Variants in CDIN1 observed in about 807,000 individuals in gnomAD.
CDIN1 encodes CDAN1-interacting nuclease 1.
In CDIN1, 33 loss-of-function variants were observed where a neutral mutation model predicts 45.3. That is an observed-to-expected ratio of 0.73 (90% CI 0.55 to 0.97). The LOEUF (loss-of-function observed/expected upper bound fraction) is 0.97. Among genes scored for constraint, CDIN1 ranks in the 50% least tolerant of loss-of-function variants. CDIN1 has a pLI of 0.00. For missense variants in CDIN1, 303 were observed against 339.4 expected (o/e 0.89, Z 0.84); for synonymous variants, 118 against 124.4 (o/e 0.95, Z 0.34).
chr15:36,584,944 T>G (rs1403685069), intron 1 of CDIN1, among the ~76,000 whole-genome samples: 1 of 152,214 alleles, frequency 6.6e-6, no homozygotes, highest in Non-Finnish European at 1.5e-5. Context: ...AATGGGCCCT[T>G]TGGCACCTGA....
chr15:36,616,192 G>C (rs1293887427), intron 1 of CDIN1, among the ~76,000 whole-genome samples: 2 of 152,126 alleles, frequency 1.3e-5, no homozygotes, highest in African/African-American at 4.8e-5. Flanking sequence ...GGATTTGGAG[G>C]TGCCATGTTA....
chr15:36,666,315 G>A (rs1163223205), intron 5 of CDIN1, among the ~76,000 whole-genome samples: 1 of 152,150 alleles, frequency 6.6e-6, no homozygotes, highest in Non-Finnish European at 1.5e-5. Flanking sequence ...GTAGTAGACT[G>A]AGAATTATCA....
chr15:36,743,752 G>T (rs1175665883), intron 10 of CDIN1, among the ~76,000 whole-genome samples: 1 of 151,862 alleles, frequency 6.6e-6, no homozygotes, highest in East Asian at 1.9e-4. Flanking sequence ...AACTGAGCAT[G>T]GTGATATGCG....
intron 4 of CDIN1, among the ~76,000 whole-genome samples, chr15:36,654,687 G>A (rs2040712956): frequency 6.6e-6 from 1 of 152,078 alleles, no homozygotes; most frequent in African/African-American, 2.4e-5. Flanking sequence ...ATAACACCAA[G>A]TAAGAAGTGA....
chr15:36,798,294 G>C (rs1566981602), intron 10 of CDIN1, among the ~76,000 whole-genome samples: 1 of 152,020 alleles, frequency 6.6e-6, no homozygotes, highest in East Asian at 1.9e-4. Context: ...TTCCTTATCT[G>C]ATCATTTTTT....
intron 1 of CDIN1, among the ~76,000 whole-genome samples, chr15:36,614,397 G>C (rs937309829): frequency 2.6e-5 from 4 of 152,140 alleles, no homozygotes; most frequent in Non-Finnish European, 5.9e-5. Context: ...AGCTGGGCTA[G>C]AGGCTGAGCA....
intron 5 of CDIN1, chr15:36,668,164 T>G (rs903639906): frequency 2.0e-5 from 3 of 152,152 alleles, no homozygotes; most frequent in Non-Finnish European, 4.4e-5. Flanking sequence ...TTGGGCTCAG[T>G]GTTCCTTGTC....
intron 1 of CDIN1, among the ~76,000 whole-genome samples, chr15:36,626,356 G>A (rs1208835670): frequency 6.7e-6 from 1 of 149,012 alleles, no homozygotes; most frequent in Non-Finnish European, 1.5e-5. Context: ...AGGGAGTCCT[G>A]CAAATTAAGG....
intron 1 of CDIN1, chr15:36,618,777 A>AAT (rs1270035561): frequency 2.6e-6 from 2 of 776,564 alleles, no homozygotes; most frequent in East Asian, 4.9e-5. Flanking sequence ...AAAAAAAAAA[A>AAT]AAAGGATCTA....
intron 10 of CDIN1, among the ~76,000 whole-genome samples, chr15:36,772,002 C>T (rs1448123785): frequency 6.6e-6 from 1 of 151,830 alleles, no homozygotes; most frequent in Non-Finnish European, 1.5e-5. Flanking sequence ...TAGTCCTGTG[C>T]ATTCATGCTG....
intron 1 of CDIN1, among the ~76,000 whole-genome samples, chr15:36,615,097 G>A (rs557510856): frequency 6.6e-6 from 1 of 152,302 alleles, no homozygotes; most frequent in Admixed American, 6.5e-5. Flanking sequence ...ATCTCATTGT[G>A]CTTTGTATCA....
chr15:36,609,443 T>C (rs1208160968), intron 1 of CDIN1, among the ~76,000 whole-genome samples: 4 of 152,114 alleles, frequency 2.6e-5, no homozygotes, highest in Non-Finnish European at 5.9e-5. Context: ...TTGTAAAGAA[T>C]CAGGGATCTA....
At chr15:36,798,320 TTTCTAAC>T (rs1242056405) in intron 10 of CDIN1, among the ~76,000 whole-genome samples, 2 of 152,356 alleles carry the variant, frequency 1.3e-5, no homozygotes, top group East Asian at 3.9e-4. Context: ...GATCTAGACA[TTTCTAAC>T]TTCTAATTTA....
chr15:36,651,718 TAAGAGAGCCCA>T, intron 3 of CDIN1, among the ~76,000 whole-genome samples: 1 of 152,286 alleles, frequency 6.6e-6, no homozygotes, highest in East Asian at 1.9e-4. Context: ...GTTTACCAGC[TAAGAGAGCCCA>T]GATGGGTTTT....
chr15:36,718,336 G>A (rs560425332), intron 10 of CDIN1, among the ~76,000 whole-genome samples: 103 of 152,104 alleles, frequency 6.8e-4, no homozygotes, highest in African/African-American at 2.2e-3. Context: ...ACATTTTGCT[G>A]TTCAAGATCT....
intron 10 of CDIN1, among the ~76,000 whole-genome samples, chr15:36,730,442 C>T (rs998502613): frequency 1.3e-5 from 2 of 152,034 alleles, no homozygotes; most frequent in Admixed American, 1.3e-4. Flanking sequence ...ATTGCATTAC[C>T]TTCTACATGA....
In CDIN1 at chr15:36,705,478, T is replaced by C. The variant is rs1329328934; in HGVS notation, c.545-3745T>C. The C allele has an allele frequency of 7.9e-5, 12 of 152,304 alleles. No individual in the cohort carries two copies. In the East Asian group the frequency reaches 2.1e-3, roughly 27 times the overall value. The allele number at this position is 152,304 out of a possible 1,614,324, so 9.4% of individuals were successfully genotyped here. On this transcript the variant is annotated intron_variant, in intron 8 of 10. Coordinates refer to ENST00000566621, the MANE Select transcript of CDIN1 (RefSeq NM_001321759.2). ...GGGACCAACTGCAACTTGGTTGACA[T>C]GGGCACATATCCTGTATCTGCAGTG...
At chr15:36,663,050 A>G (rs886727793) in intron 5 of CDIN1, among the ~76,000 whole-genome samples, 11 of 151,968 alleles carry the variant, frequency 7.2e-5, no homozygotes, top group Admixed American at 1.3e-4. Flanking sequence ...AGAGGTAAAA[A>G]CATCTCTTTG....
At chr15:36,794,204 G>A (rs561793304) in intron 10 of CDIN1, among the ~76,000 whole-genome samples, 137 of 151,674 alleles carry the variant, frequency 9.0e-4, no homozygotes, top group African/African-American at 2.9e-3. Context: ...GACTACAGGC[G>A]CCCGCCACCA....
Sources: allele counts gnomAD v4.1 joint callset (sites outside exome capture counted in the v4.1 genomes callset), GRCh38; gene constraint gnomAD v4.1.1; transcripts MANE v1.5; gene names NCBI Gene and HGNC (gene_info 2026-07-23, HGNC 2026-07-21).